Variants in CSMD1 observed in about 807,000 individuals in gnomAD.
The protein encoded by CSMD1 is CUB and sushi domain-containing protein 1.
Under a neutral mutation model 417.5 loss-of-function variants are expected in CSMD1, and 213 were observed. The observed-to-expected ratio is 0.51, with a 90% CI of 0.46 to 0.57. The LOEUF is 0.57. Ranked by LOEUF, CSMD1 falls within the 20% of genes least tolerant of loss-of-function variation. CSMD1 has a pLI of 0.00. For missense variants in CSMD1, 6,923 were observed against 4,529.7 expected, an observed-to-expected ratio of 1.53 and a Z score of -15.17; for synonymous variants, 2,862 against 1,736.8, an observed-to-expected ratio of 1.65 and a Z score of -16.11.
intron 3 of CSMD1, among the ~76,000 whole-genome samples, chr8:4,346,618 T>C (rs1488345565): frequency 6.6e-6 from 1 of 152,192 alleles, no homozygotes; most frequent in Non-Finnish European, 1.5e-5. Flanking sequence ...AGGAATCAAA[T>C]TTAAAAGAAA....
At chr8:3,678,179 T>G (rs1480610508) in intron 7 of CSMD1, among the ~76,000 whole-genome samples, 1 of 152,162 alleles carries the variant, frequency 6.6e-6, no homozygotes, top group East Asian at 1.9e-4. Context: ...AGAACAAAGC[T>G]GGACGGAGAA....
At chr8:4,291,817 C>G (rs1471670565) in intron 3 of CSMD1, among the ~76,000 whole-genome samples, 1 of 152,184 alleles carries the variant, frequency 6.6e-6, no homozygotes, top group African/African-American at 2.4e-5. Flanking sequence ...TCTGAAATGT[C>G]ATGTAAACCA....
At chr8:4,826,503 T>C (rs997738646) in intron 1 of CSMD1, among the ~76,000 whole-genome samples, 1 of 152,180 alleles carries the variant, frequency 6.6e-6, no homozygotes, top group African/African-American at 2.4e-5. Flanking sequence ...TATTTATTTA[T>C]ACAAATTCAT....
chr8:4,097,761 C>G (rs1801096584), intron 3 of CSMD1, among the ~76,000 whole-genome samples: 1 of 152,182 alleles, frequency 6.6e-6, no homozygotes, highest in South Asian at 2.1e-4. Flanking sequence ...TTGTCAAATT[C>G]TGGGTAAGTA....
At chr8:4,481,296 C>G (rs1030783049) in intron 2 of CSMD1, among the ~76,000 whole-genome samples, 2 of 152,204 alleles carry the variant, frequency 1.3e-5, no homozygotes, top group East Asian at 3.8e-4. Flanking sequence ...TCACACTGAC[C>G]CTTATCTTTC....
chr8:4,504,509 G>C (rs1044889158), intron 2 of CSMD1, among the ~76,000 whole-genome samples: 1 of 152,120 alleles, frequency 6.6e-6, no homozygotes, highest in South Asian at 2.1e-4. Flanking sequence ...TACATGTGCA[G>C]AACATGCAGG....
At chr8:4,003,259 G>A (rs1192149554) in intron 4 of CSMD1, among the ~76,000 whole-genome samples, 1 of 152,072 alleles carries the variant, frequency 6.6e-6, no homozygotes, top group Admixed American at 6.6e-5. Flanking sequence ...TGGGTGTGGT[G>A]ACGGGCACTT....
intron 1 of CSMD1, among the ~76,000 whole-genome samples, chr8:4,693,523 C>T (rs748192050): frequency 6.6e-6 from 1 of 152,122 alleles, no homozygotes; most frequent in African/African-American, 2.4e-5. Flanking sequence ...CTTGAGTCTG[C>T]TTCTTTAATT....
chr8:3,429,801 A>G (rs1208971433), intron 12 of CSMD1, among the ~76,000 whole-genome samples: 1 of 152,184 alleles, frequency 6.6e-6, no homozygotes, highest in East Asian at 1.9e-4. Context: ...TACCTTACCT[A>G]TAATAAATTA....
At chr8:3,051,811 G>C (rs1252239640) in intron 50 of CSMD1, among the ~76,000 whole-genome samples, 9 of 152,154 alleles carry the variant, frequency 5.9e-5, no homozygotes, top group Non-Finnish European at 1.2e-4. Flanking sequence ...TAGAAATTTA[G>C]TGTGTATGTG....
intron 61 of CSMD1, 32 bp from the exon 62 acceptor site, chr8:2,961,246 C>A (rs375425268): frequency 7.2e-7 from 1 of 1,381,702 alleles, no homozygotes; most frequent in Non-Finnish European, 1.0e-6. Context: ...GAAAAGAGGG[C>A]ACCAGATATA....
At chr8:4,589,990 T>C (rs1017553581) in intron 2 of CSMD1, among the ~76,000 whole-genome samples, 4 of 152,218 alleles carry the variant, frequency 2.6e-5, no homozygotes, top group Non-Finnish European at 5.9e-5. Context: ...TAAGATACTG[T>C]CTGTTCTAAA....
At chr8:4,650,319 T>A (rs1194295026) in intron 1 of CSMD1, among the ~76,000 whole-genome samples, 1 of 123,924 alleles carries the variant, frequency 8.1e-6, no homozygotes, top group Non-Finnish European at 1.6e-5. Flanking sequence ...CACTCCAGCC[T>A]GGGCAGCAGT....
chr8:2,962,530 C>T lies in CSMD1; in HGVS notation c.9564G>A (p.Val3188=). 2 of 1,613,902 alleles carry T rather than the reference C, an allele frequency of 1.2e-6. No homozygotes were observed. The highest frequency in any genetic ancestry group is 1.7e-6 in the Non-Finnish European group (2 of 1,179,832). ...FFQCKSPFIL[V]GSSRRVCQAD... ...CTTGGCAGACTCTTCTGGAGGATCC[C>T]ACGAGTATAAATGGAGATTTGCACT... The change falls in exon 61 of 70, where the codon GTG becomes GTA. Residue 3188 remains valine, a synonymous_variant. Transcript: ENST00000635120.
chr8:3,656,746 C>A (rs912793746), intron 7 of CSMD1, among the ~76,000 whole-genome samples: 1 of 151,892 alleles, frequency 6.6e-6, no homozygotes, highest in Non-Finnish European at 1.5e-5. Context: ...GCTAACATGG[C>A]GAAACCCCAT....
At chr8:3,169,226 T>C (rs1251287953) in intron 37 of CSMD1, among the ~76,000 whole-genome samples, 2 of 152,202 alleles carry the variant, frequency 1.3e-5, no homozygotes, top group African/African-American at 4.8e-5. Context: ...AGTACAGCCC[T>C]GTTTACATCC....
intron 5 of CSMD1, among the ~76,000 whole-genome samples, chr8:3,922,944 G>A (rs925324123): frequency 1.3e-5 from 2 of 152,188 alleles, no homozygotes; most frequent in East Asian, 1.9e-4. Flanking sequence ...GAAACAGATT[G>A]TGTGAGCCCC....
At chr8:3,208,551 C>T (rs1401589167) in intron 30 of CSMD1, among the ~76,000 whole-genome samples, 1 of 152,136 alleles carries the variant, frequency 6.6e-6, no homozygotes, top group Non-Finnish European at 1.5e-5. Flanking sequence ...AGGGCTGAGC[C>T]ACCACGCCCG....
intron 7 of CSMD1, among the ~76,000 whole-genome samples, chr8:3,677,946 C>T (rs990768608): frequency 6.6e-6 from 1 of 152,070 alleles, no homozygotes; most frequent in Non-Finnish European, 1.5e-5. Flanking sequence ...GACAGGAATG[C>T]ACTTGAGGAG....
Sources: gnomAD v4.1 joint callset for allele counts (sites outside exome capture counted in the v4.1 genomes callset) on GRCh38, gnomAD v4.1.1 for gene constraint, MANE v1.5 for transcripts, NCBI Gene and HGNC (gene_info 2026-07-23, HGNC 2026-07-21) for gene names.